PIEZO2: variants seen among roughly 807,000 people sequenced by gnomAD.
The protein encoded by PIEZO2 is piezo type mechanosensitive ion channel component 2.
Under a neutral mutation model 337.3 loss-of-function variants are expected in PIEZO2, and 172 were observed. The ratio of observed to expected loss-of-function variants is 0.51; its 90% CI spans 0.45 to 0.58. The LOEUF (loss-of-function observed/expected upper bound fraction) is 0.58, where lower values mean the gene tolerates loss of function less well. Ranked by LOEUF, PIEZO2 falls within the 20% of genes least tolerant of loss-of-function variation. The pLI is 0.00. For missense variants in PIEZO2, 3,028 were observed against 3,391.3 expected, an observed-to-expected ratio of 0.89 and a Z score of 2.66; for synonymous variants, 1,251 against 1,228.5, an observed-to-expected ratio of 1.02 and a Z score of -0.38.
At chr18:10,972,040 C>T (rs1220347866) in intron 3 of PIEZO2, among the ~76,000 whole-genome samples, 1 of 151,942 alleles carries the variant, frequency 6.6e-6, no homozygotes, top group Non-Finnish European at 1.5e-5. Context: ...CACCTGTGAT[C>T]CCAGCACTTT....
At chr18:10,876,993 G>A (rs1317307190) in intron 4 of PIEZO2, among the ~76,000 whole-genome samples, 3 of 152,088 alleles carry the variant, frequency 2.0e-5, no homozygotes, top group Middle Eastern at 3.2e-3. Context: ...CTCCGTTCCC[G>A]TGGTTTTCTT....
Position 10,847,998 on chromosome 18 carries a change from A to G in PIEZO2, c.917+7355T>C, listed in dbSNP as rs1413819249. Among the ~76,000 whole-genome samples, 1 of 152,206 alleles carries G rather than the reference A, an allele frequency of 6.6e-6. No individual in the cohort carries two copies. The highest frequency in any genetic ancestry group is 2.4e-5 in the African/African-American group (1 of 41,460). On this transcript the variant is annotated intron_variant, in intron 7 of 55. Transcript: ENST00000674853. This position sits in a 1 kb window ranked among gnomAD's most constrained non-coding sequence, Gnocchi z 5.7. Reference sequence around the variant, plus strand: ...ACCGATTTCAGATGAAGGTTTTGCCAACTGGTCTCCATTAAACACAATTTA... The same window carrying G: ...ACCGATTTCAGATGAAGGTTTTGCCGACTGGTCTCCATTAAACACAATTTA...
In PIEZO2 at chr18:10,724,004, C is replaced by A. The variant is rs1454459130; in HGVS notation, c.5030-5745G>T. Among the ~76,000 whole-genome samples, 2 of 152,100 alleles carry A rather than the reference C, an allele frequency of 1.3e-5. No individual in the cohort carries two copies. Among genetic ancestry groups the A allele is most frequent in the Non-Finnish European group, 2.9e-5 (2 of 68,026 alleles). On this transcript the variant is annotated intron_variant, in intron 36 of 55. Transcript: ENST00000674853. The surrounding 1 kb of genome is among the most constrained non-coding windows in gnomAD (Gnocchi z 5.8). ...GGCAGGGGTGGCACTGAGAAGATGC[C>A]ATAGGCAGAAGGCAGCCCCTGAGGC...
chr18:10,835,278 T>C (rs2040973390), intron 7 of PIEZO2, among the ~76,000 whole-genome samples: 1 of 95,556 alleles, frequency 1.0e-5, no homozygotes, highest in Non-Finnish European at 2.2e-5. Context: ...ATGACCTCAT[T>C]TTTTTTTTTT....
chr18:10,780,486 G>C, intron 17 of PIEZO2, 120 bp from the exon 18 acceptor site: 1 of 652,156 alleles, frequency 1.5e-6, no homozygotes, highest in Non-Finnish European at 2.8e-6. Flanking sequence ...AGCATCAAGT[G>C]TAGCCACCCT....
Position 10,682,716 on chromosome 18 carries a change from T to C in PIEZO2, c.7498-424A>G, listed in dbSNP as rs1481144170. On this transcript the variant is annotated intron_variant, in intron 49 of 55. Coordinates refer to ENST00000674853, the MANE Select transcript of PIEZO2 (RefSeq NM_001378183.1). This position sits in a 1 kb window ranked among gnomAD's most constrained non-coding sequence, Gnocchi z 5.6. ...AAAATCTGTGCCTTTCAGTTGACCC[T>C]TCCCTGCCCTTGGAGGGTGAAAAAA... Among the ~76,000 whole-genome samples the C allele has an allele frequency of 1.3e-5, 2 of 152,126 alleles. No homozygotes were observed. Among genetic ancestry groups the C allele is most frequent in the Non-Finnish European group, 2.9e-5 (2 of 68,018 alleles).
chr18:10,901,809 T>G (rs12455464), intron 4 of PIEZO2, among the ~76,000 whole-genome samples: 1 of 151,930 alleles, frequency 6.6e-6, no homozygotes, highest in Non-Finnish European at 1.5e-5. Flanking sequence ...TGATTGAATC[T>G]ATCAAATACA....
intron 1 of PIEZO2, among the ~76,000 whole-genome samples, chr18:11,100,029 T>C (rs1354974932): frequency 6.6e-6 from 1 of 152,204 alleles, no homozygotes; most frequent in Non-Finnish European, 1.5e-5. Flanking sequence ...TTATTTTATA[T>C]TAAGAAAAGT....
At chr18:11,054,528 G>A (rs1289870397) in intron 2 of PIEZO2, among the ~76,000 whole-genome samples, 2 of 152,004 alleles carry the variant, frequency 1.3e-5, no homozygotes, top group Non-Finnish European at 2.9e-5. Context: ...GCAACCTTCG[G>A]GCAAAAAAGC....
Position 10,979,556 on chromosome 18 carries a change from G to A in PIEZO2, c.265C>T (p.Arg89Cys), listed in dbSNP as rs557549695. The A allele has an allele frequency of 2.2e-5, 34 of 1,532,934 alleles. No homozygotes were observed. In the African/African-American group the frequency reaches 3.0e-4, roughly 14 times the overall value. The allele number at this position is 1,532,934 out of a possible 1,614,324, so 95.0% of individuals were successfully genotyped here. Residue 89 changes from arginine to cysteine, a missense_variant, in exon 3 of 56, where the codon CGT becomes TGT. Transcript: ENST00000674853. This position sits in a 1 kb window ranked among gnomAD's most constrained non-coding sequence, Gnocchi z 4.0. ...ITLVSLEAQHRIAPGYNCSTW... is the reference protein window; with the variant it reads ...ITLVSLEAQHCIAPGYNCSTW... Reference sequence around the variant, plus strand: ...TCACAGTTGTAGCCAGGTGCAATACGATGTTGAGCTTCAAGGCTCACCAAC... The same window carrying A: ...TCACAGTTGTAGCCAGGTGCAATACAATGTTGAGCTTCAAGGCTCACCAAC...
At position 10,835,294 on chromosome 18, in the gene PIEZO2, T is replaced by C. The variant is rs575844656; in HGVS notation, c.917+20059A>G. On this transcript the variant is annotated intron_variant, in intron 7 of 55. Coordinates refer to ENST00000674853, the MANE Select transcript of PIEZO2 (RefSeq NM_001378183.1). ...TGACCTCATTTTTTTTTTTTTTTGGTAAGGAGGTGGAAAACACAGGATGAG... is the reference window on the plus strand; with the variant it reads ...TGACCTCATTTTTTTTTTTTTTTGGCAAGGAGGTGGAAAACACAGGATGAG... Among the ~76,000 whole-genome samples the C allele has an allele frequency of 4.8e-5, 7 of 147,030 alleles. No homozygotes were observed. In the South Asian group the frequency reaches 1.5e-3, roughly 32 times the overall value.
At chr18:10,927,658 C>CTATA (rs149506513) in intron 3 of PIEZO2, among the ~76,000 whole-genome samples, 2 of 151,688 alleles carry the variant, frequency 1.3e-5, no homozygotes, top group African/African-American at 4.8e-5. Context: ...TTTAAAAAGT[C>CTATA]TATATATATA....
In PIEZO2 at chr18:10,705,668, C is replaced by G; in HGVS notation, c.5667G>C (p.Glu1889Asp). The G allele has an allele frequency of 2.6e-6, 4 of 1,537,152 alleles. No individual in the cohort carries two copies. Among genetic ancestry groups the G allele is most frequent in the Non-Finnish European group, 2.6e-6 (3 of 1,146,942 alleles). The change falls in exon 41 of 56, where the codon GAG becomes GAC. Residue 1889 changes from glutamate to aspartate, a missense_variant. By Grantham distance (45) the Glu-to-Asp change is conservative (BLOSUM62 2). This residue lies in a region of PIEZO2 where 1,925 missense variants were observed against 2,051.9 expected (regional missense o/e 0.94). Transcript: ENST00000674853. ...CAGGCGCCGTGCTCCCTGCCTCCTC[C>G]TCCTGCTCAGCCTCCACCTCCTCGA... is the stretch of plus-strand genomic sequence containing the variant. ...ETIEEVEAEQEEEAGSTAPEP... is the reference protein window; with the variant it reads ...ETIEEVEAEQDEEAGSTAPEP...
At chr18:10,918,272 A>G (rs2031149793) in intron 3 of PIEZO2, among the ~76,000 whole-genome samples, 1 of 152,124 alleles carries the variant, frequency 6.6e-6, no homozygotes, top group South Asian at 2.1e-4. Context: ...ACAAAACATT[A>G]TTTATCATCC....
chr18:10,807,792 T>A (rs1463412543), intron 7 of PIEZO2, among the ~76,000 whole-genome samples: 1 of 152,170 alleles, frequency 6.6e-6, no homozygotes, highest in East Asian at 1.9e-4. Context: ...CAGTAAAATT[T>A]CTGTAAGATA....
At chr18:11,138,366 G>A (rs1219764868) in intron 1 of PIEZO2, among the ~76,000 whole-genome samples, 1 of 152,212 alleles carries the variant, frequency 6.6e-6, no homozygotes, top group Non-Finnish European at 1.5e-5. Context: ...CACAATCTCA[G>A]CTCACTGCAA....
chr18:10,825,500 C>T (rs2040642240), intron 7 of PIEZO2, among the ~76,000 whole-genome samples: 1 of 145,864 alleles, frequency 6.9e-6, no homozygotes, highest in East Asian at 2.0e-4. Flanking sequence ...TTTGTCAGGT[C>T]TCTCCACAAA....
intron 1 of PIEZO2, among the ~76,000 whole-genome samples, chr18:11,103,804 T>C (rs1200339099): frequency 1.3e-5 from 2 of 151,008 alleles, no homozygotes; most frequent in African/African-American, 2.4e-5. Flanking sequence ...TGTGTGTGTG[T>C]GTGTGCGTGT....
At position 10,748,672 on chromosome 18, in the gene PIEZO2, A is replaced by G; in HGVS notation, c.4265-42T>C. 2 of 1,385,080 alleles carry G rather than the reference A, an allele frequency of 1.4e-6. No homozygotes were observed. The highest frequency in any genetic ancestry group is 1.6e-5 in the South Asian group (1 of 63,364). The allele number at this position is 1,385,080 out of a possible 1,614,324, so 85.8% of individuals were successfully genotyped here. ...AAAACACACATTAAAATTAACATCC[A>G]TTTTCATTGTAATTTTATAAAATCT... On this transcript the variant is annotated intron_variant, in intron 29 of 55. Transcript: ENST00000674853. This position sits in a 1 kb window ranked among gnomAD's most constrained non-coding sequence, Gnocchi z 5.1.
Sources: allele counts gnomAD v4.1 joint callset (sites outside exome capture counted in the v4.1 genomes callset), GRCh38; gene constraint gnomAD v4.1.1; regional missense constraint gnomAD v4.1.1; non-coding constraint Gnocchi (gnomAD v3.1); transcripts MANE v1.5; gene names NCBI Gene and HGNC (gene_info 2026-07-23, HGNC 2026-07-21).